Variants in SNX31 observed in about 807,000 individuals in gnomAD.
SNX31 encodes sorting nexin 31, also known as sorting nexin-31.
Under a neutral mutation model 65.4 loss-of-function variants are expected in SNX31, and 58 were observed. The observed-to-expected ratio is 0.89, with a 90% CI of 0.72 to 1.10. The LOEUF (loss-of-function observed/expected upper bound fraction) is 1.10. Among genes scored for constraint, SNX31 ranks in the 50% least tolerant of loss-of-function variants. SNX31 has a pLI of 0.00. For missense variants in SNX31, 523 were observed against 529.7 expected (o/e 0.99, Z 0.12); for synonymous variants, 181 against 190.1 (o/e 0.95, Z 0.39).
chr8:100,573,925 GC>G lies in SNX31; in HGVS notation c.1262del (p.Ser421ThrfsTer5). The G allele has an allele frequency of 6.3e-7, 1 of 1,585,932 alleles. No homozygotes were observed. Among genetic ancestry groups the G allele is most frequent in the Non-Finnish European group, 8.6e-7 (1 of 1,167,698 alleles). ...KDYSSFLSRK[S>X]KIKIAKDDCV... Reference sequence around the variant, plus strand: ...AGTCATCTTTAGCTATCTTAATCTTGCTTTTTCTTGATAGAAAACTAGAATA... The same window carrying G: ...AGTCATCTTTAGCTATCTTAATCTTGTTTTTCTTGATAGAAAACTAGAATA... On this transcript the variant is annotated frameshift_variant, in exon 14 of 14. Coordinates refer to ENST00000311812, the MANE Select transcript of SNX31 (RefSeq NM_152628.4). LOFTEE classifies it high-confidence loss of function.
At chr8:100,659,164 G>A (rs1387618870) in intron 1 of SNX31, among the ~76,000 whole-genome samples, 2 of 151,918 alleles carry the variant, frequency 1.3e-5, no homozygotes, top group Non-Finnish European at 2.9e-5. Context: ...TGGCCAACAT[G>A]GTGAAACCCC....
rs75841745 is a variant in SNX31 at position 100,604,547 on chromosome 8, G to A, written c.681+3947C>T. 7.6e-3 allele frequency among the ~76,000 whole-genome samples: 1,163 copies of A among 152,340 alleles called. 25 individuals are homozygous for A. The highest frequency in any genetic ancestry group is 0.026 in the African/African-American group (1,086 of 41,586). On this transcript the variant is annotated intron_variant, in intron 8 of 13. Transcript: ENST00000311812. This position sits in a 1 kb window ranked among gnomAD's most constrained non-coding sequence, Gnocchi z 4.3. ...CTCCACTCACCAAGCCATGGGCCCCGATGCAGGACTAGCCCCACCTGGAGG... is the reference window on the plus strand; with the variant it reads ...CTCCACTCACCAAGCCATGGGCCCCAATGCAGGACTAGCCCCACCTGGAGG...
intron 10 of SNX31, among the ~76,000 whole-genome samples, chr8:100,595,120 T>C (rs1490124639): frequency 6.6e-6 from 1 of 152,230 alleles, no homozygotes; most frequent in Non-Finnish European, 1.5e-5. Context: ...GTGAAACATT[T>C]ACCAAGATAG....
At chr8:100,600,241 C>A in intron 9 of SNX31, 108 bp downstream of exon 9, 1 of 837,144 alleles carries the variant, frequency 1.2e-6, no homozygotes, top group Non-Finnish European at 1.9e-6. Flanking sequence ...TAAAAAGAGC[C>A]CCACTTTTAG....
Position 100,612,083 on chromosome 8 carries a change from CACA to C in SNX31, c.525_527del (p.Val176del). On this transcript the variant is annotated inframe_deletion and splice_region_variant, in exon 7 of 14. Transcript: ENST00000311812. This position sits in a 1 kb window ranked among gnomAD's most constrained non-coding sequence, Gnocchi z 4.3. ...GGAGTTCAAAGTCAGCCAATTTTTT[CACA>C]ACTAGAGAAAGGAGAAAGCCGGTCT... 6.2e-7 allele frequency: 1 copy of C among 1,613,034 alleles called. No individual in the cohort carries two copies. The highest frequency in any genetic ancestry group is 8.5e-7 in the Non-Finnish European group (1 of 1,179,066).
chr8:100,598,949 A>G (rs938014245), intron 9 of SNX31, among the ~76,000 whole-genome samples: 3 of 152,358 alleles, frequency 2.0e-5, no homozygotes, highest in African/African-American at 7.2e-5. Flanking sequence ...TCTCTGATTT[A>G]GATCAAATGA....
chr8:100,655,039 G>A (rs1820034943), intron 1 of SNX31, among the ~76,000 whole-genome samples: 1 of 152,050 alleles, frequency 6.6e-6, no homozygotes, highest in Admixed American at 6.6e-5. Context: ...CAAAACTGAA[G>A]ACAGAAGGTG....
chr8:100,574,013 T>G, intron 13 of SNX31, 53 bp from the exon 14 acceptor site: 1 of 1,084,280 alleles, frequency 9.2e-7, no homozygotes, highest in South Asian at 1.5e-5. Flanking sequence ...ATCATTTCCA[T>G]AACAATAACA....
chr8:100,629,214 G>A lies in SNX31; in HGVS notation c.321+1113C>T, dbSNP rs1483572093. Among the ~76,000 whole-genome samples, 1 of 152,158 alleles carries A rather than the reference G, an allele frequency of 6.6e-6. No individual in the cohort carries two copies. The highest frequency in any genetic ancestry group is 1.5e-5 in the Non-Finnish European group (1 of 68,046). On this transcript the variant is annotated intron_variant, in intron 4 of 13. Transcript: ENST00000311812. The surrounding 1 kb of genome is among the most constrained non-coding windows in gnomAD (Gnocchi z 5.1). The stretch of plus-strand genomic sequence containing the variant: ...ATATATGCATGCTTATATATGTGCA[G>A]AAATGTGTAGCAAAAGAGCACTATA...
intron 2 of SNX31, 86 bp from the exon 3 acceptor site, chr8:100,636,097 C>G: frequency 1.2e-6 from 1 of 858,368 alleles, no homozygotes; most frequent in Non-Finnish European, 1.9e-6. Flanking sequence ...TAGGGCAAGT[C>G]CCATCCCAGC....
chr8:100,592,674 A>G (rs1814693475), intron 10 of SNX31, among the ~76,000 whole-genome samples: 1 of 152,200 alleles, frequency 6.6e-6, no homozygotes, highest in Admixed American at 6.5e-5. Flanking sequence ...CTTGTGCACA[A>G]ATGTTTATAG....
chr8:100,601,592 T>C (rs1815631605), intron 8 of SNX31, among the ~76,000 whole-genome samples: 1 of 152,204 alleles, frequency 6.6e-6, no homozygotes, highest in Non-Finnish European at 1.5e-5. Flanking sequence ...CTCTTCCACA[T>C]TTGCAAACTT....
intron 2 of SNX31, among the ~76,000 whole-genome samples, chr8:100,643,136 T>A (rs563045836): frequency 6.6e-6 from 1 of 152,160 alleles, no homozygotes; most frequent in East Asian, 1.9e-4. Flanking sequence ...GAGGTTGCAG[T>A]GAGCTGAGAT....
At position 100,660,662 on chromosome 8, in the gene SNX31, A is replaced by ACTGGCCTGGCCTCTCCCAGCAGC. The variant is rs1809767340; in HGVS notation, c.-58+2457_-58+2479dup. On this transcript the variant is annotated intron_variant, in intron 1 of 5. Coordinates refer to the SNX31 transcript ENST00000520352. This position sits in a 1 kb window ranked among gnomAD's most constrained non-coding sequence, Gnocchi z 4.1. ...CCTATATTCAGCCTTCCCCACTAAC[A>ACTGGCCTGGCCTCTCCCAGCAGC]CTGGCCTGGCCTCTCCCAGCAGCCT... 6.6e-6 allele frequency among the ~76,000 whole-genome samples: 1 copy of ACTGGCCTGGCCTCTCCCAGCAGC among 152,110 alleles called. No individual in the cohort carries two copies. Among genetic ancestry groups the ACTGGCCTGGCCTCTCCCAGCAGC allele is most frequent in the African/African-American group, 2.4e-5 (1 of 41,418 alleles).
chr8:100,636,145 G>T (rs113957673), intron 2 of SNX31, 134 bp from the exon 3 acceptor site: 2 of 600,912 alleles, frequency 3.3e-6, no homozygotes, highest in South Asian at 4.6e-5. Flanking sequence ...TAGCCCAAAG[G>T]GGGAAAAGAG....
chr8:100,581,419 G>A (rs1392090078), intron 12 of SNX31, among the ~76,000 whole-genome samples: 1 of 149,736 alleles, frequency 6.7e-6, no homozygotes, highest in African/African-American at 2.5e-5. Context: ...TAGTGCATTT[G>A]CTTGACCCAA....
At chr8:100,617,528 G>A (rs1459533915) in intron 5 of SNX31, 92 bp downstream of exon 5, 2 of 846,302 alleles carry the variant, frequency 2.4e-6, no homozygotes, top group East Asian at 2.5e-5. Flanking sequence ...CAGGCCAGAA[G>A]CTCCTGGAAG....
upstream of SNX31, among the ~76,000 whole-genome samples, chr8:100,654,080 A>G (rs1394624605): frequency 1.3e-5 from 2 of 152,168 alleles, no homozygotes; most frequent in Non-Finnish European, 2.9e-5. Flanking sequence ...ATCATGGCTC[A>G]CTGCAGCCTT....
At chr8:100,663,224 CAG>C (rs1809816804) in exon 1 of SNX31, 1 of 141,694 alleles carries the variant, frequency 7.1e-6, no homozygotes, top group East Asian at 2.0e-4. Flanking sequence ...CTCCGTCTAA[CAG>C]AGCTGCGCAG....
Sources: gnomAD v4.1 joint callset for allele counts (sites outside exome capture counted in the v4.1 genomes callset) on GRCh38, gnomAD v4.1.1 for gene constraint, Gnocchi (gnomAD v3.1) non-coding constraint, MANE v1.5 for transcripts, NCBI Gene and HGNC (gene_info 2026-07-23, HGNC 2026-07-21) for gene names.